MGRN1: variants seen among roughly 807,000 people sequenced by gnomAD.
The protein encoded by MGRN1 is mahogunin ring finger 1.
MGRN1 carries 29 observed loss-of-function variants against 69.2 expected under a neutral mutation model. The observed-to-expected ratio is 0.42, with a 90% CI of 0.31 to 0.57. The LOEUF is 0.57. Ranked by LOEUF, MGRN1 falls within the 20% of genes least tolerant of loss-of-function variation. The probability of loss-of-function intolerance (pLI) is 0.15; values close to 1 mark genes in which losing one functional copy is unlikely to be tolerated. For missense variants in MGRN1, 998 were observed against 796.2 expected, an observed-to-expected ratio of 1.25 and a Z score of -3.05; for synonymous variants, 470 against 344.2, an observed-to-expected ratio of 1.37 and a Z score of -4.04.
chr16:4,652,860 G>A (rs769356476), intron 4 of MGRN1, 36 bp downstream of exon 4: 2 of 1,562,382 alleles, frequency 1.3e-6, no homozygotes, highest in Non-Finnish European at 1.7e-6. Flanking sequence ...GGCCTGGCTG[G>A]GGGCCCCAGA....
chr16:4,656,178 G>A (rs1371593008), intron 4 of MGRN1, among the ~76,000 whole-genome samples: 1 of 152,240 alleles, frequency 6.6e-6, no homozygotes, highest in African/African-American at 2.4e-5. Flanking sequence ...TATCAGAAAT[G>A]AAACTGCTTG....
chr16:4,647,016 C>T (rs1410013545), intron 1 of MGRN1, among the ~76,000 whole-genome samples: 1 of 152,188 alleles, frequency 6.6e-6, no homozygotes, highest in African/African-American at 2.4e-5. Context: ...CTGGGGAGAG[C>T]CTGGAAGGGT....
rs114044807 is a variant in MGRN1 at position 4,630,570 on chromosome 16, A to G, written c.88+5522A>G. Among the ~76,000 whole-genome samples the G allele has an allele frequency of 8.5e-3, 1,282 of 151,148 alleles. 18 individuals are homozygous for G. The highest frequency in any genetic ancestry group is 0.03 in the African/African-American group (1,221 of 41,258). ...TCCAGCGATTCTTCTACCTCAGCCT[A>G]CTGAGTAGCTGAGATTACAGGTGCG... On this transcript the variant is annotated intron_variant, in intron 1 of 16. Transcript: ENST00000262370.
chr16:4,686,385 G>C, intron 16 of MGRN1: 2 of 1,502,456 alleles, frequency 1.3e-6, no homozygotes, highest in Non-Finnish European at 1.8e-6. Context: ...TCTGGCGGGG[G>C]TTCCTTCTGG....
intron 16 of MGRN1, among the ~76,000 whole-genome samples, chr16:4,684,260 C>G (rs971992526): frequency 6.6e-6 from 1 of 152,244 alleles, no homozygotes; most frequent in Non-Finnish European, 1.5e-5. Flanking sequence ...TTCCCTCTGC[C>G]TGCTGCTCAC....
At chr16:4,664,272 G>C (rs2078749972) in intron 5 of MGRN1, 1 of 247,688 alleles carries the variant, frequency 4.0e-6, no homozygotes, top group South Asian at 5.1e-5. Flanking sequence ...AAGGTCACCT[G>C]TTGTGCAATT....
intron 1 of MGRN1, among the ~76,000 whole-genome samples, chr16:4,639,219 G>A (rs1208832441): frequency 5.9e-5 from 9 of 152,114 alleles, no homozygotes; most frequent in Non-Finnish European, 1.2e-4. Flanking sequence ...GGGCTGGGGA[G>A]GACAGAGGGA....
chr16:4,642,501 T>TGTGTGTGTGTGTGTGTG (rs1377829789), intron 1 of MGRN1, among the ~76,000 whole-genome samples: 3 of 151,080 alleles, frequency 2.0e-5, no homozygotes, highest in African/African-American at 7.3e-5. Context: ...TGTGTGTGTG[T>TGTGTGTGTGTGTGTGTG]TTTTAGTAGA....
chr16:4,658,302 G>A (rs1008127710), intron 5 of MGRN1, among the ~76,000 whole-genome samples: 50 of 151,718 alleles, frequency 3.3e-4, no homozygotes, highest in African/African-American at 1.1e-3. Flanking sequence ...TTGGGAGGCC[G>A]AGGCAGGCGG....
intron 1 of MGRN1, among the ~76,000 whole-genome samples, chr16:4,630,479 C>T (rs1897944219): frequency 6.6e-6 from 1 of 151,634 alleles, no homozygotes; most frequent in Non-Finnish European, 1.5e-5. Context: ...GAGATGGAGT[C>T]TCCCTCTGTC....
chr16:4,652,687 CGATGCCGACAGCCCCACCGAG>C lies in MGRN1; in HGVS notation c.309_329del (p.Ala104_Asp110del), dbSNP rs770568273. 5.6e-6 allele frequency: 9 copies of C among 1,612,378 alleles called. No homozygotes were observed. The highest frequency in any genetic ancestry group is 3.3e-5 in the Admixed American group (2 of 59,798). Reference sequence around the variant, plus strand: ...CCACCGCCTGGGGTAGGTACAAAGACGATGCCGACAGCCCCACCGAGGACGGCGACAAGCCCCGGGTGCTCT... The same window carrying C: ...CCACCGCCTGGGGTAGGTACAAAGACGACGGCGACAAGCCCCGGGTGCTCT... On this transcript the variant is annotated inframe_deletion, in exon 4 of 17. Transcript: ENST00000262370.
intron 1 of MGRN1, among the ~76,000 whole-genome samples, chr16:4,627,799 G>A (rs550749234): frequency 7.1e-6 from 1 of 140,358 alleles, no homozygotes; most frequent in Admixed American, 7.2e-5. Flanking sequence ...CAAAAAAAAA[G>A]GCTGGGCGCG....
intron 11 of MGRN1, among the ~76,000 whole-genome samples, chr16:4,677,819 C>G (rs1346002676): frequency 1.4e-5 from 2 of 140,014 alleles, no homozygotes. Context: ...CGGTCGAGGT[C>G]TCGGTGGAGC....
At position 4,663,435 on chromosome 16, in the gene MGRN1, G is replaced by A. The variant is rs370027870; in HGVS notation, c.562-1274G>A. 1.1e-4 allele frequency among the ~76,000 whole-genome samples: 15 copies of A among 135,552 alleles called. No homozygotes were observed. In the East Asian group the frequency reaches 2.1e-3, roughly 19 times the overall value. 88.9% of individuals were successfully genotyped at this position (135,552 alleles called of 152,430 possible). A position where few individuals can be genotyped will look rare whatever the true frequency, so the allele number is the denominator to read the frequency against. On this transcript the variant is annotated intron_variant, in intron 5 of 16. Coordinates refer to ENST00000262370, the MANE Select transcript of MGRN1 (RefSeq NM_015246.4). ...AATTACCATCTCCTGCAGCTCACTC[G>A]TGTTAAGCGAATGATTCGCTGGCTT...
At chr16:4,668,124 C>A in intron 7 of MGRN1, 141 bp from the exon 8 acceptor site, 1 of 521,376 alleles carries the variant, frequency 1.9e-6, no homozygotes, top group Non-Finnish European at 3.3e-6. Flanking sequence ...TGGCCCCACC[C>A]TTTTTTTTTT....
chr16:4,646,333 G>A (rs2078274155), intron 1 of MGRN1, among the ~76,000 whole-genome samples: 1 of 152,144 alleles, frequency 6.6e-6, no homozygotes, highest in South Asian at 2.1e-4. Context: ...GGAGGCTGAG[G>A]CAGGAGGATT....
chr16:4,668,352 GAC>G (rs2078852284), intron 8 of MGRN1, 40 bp downstream of exon 8: 14 of 1,604,898 alleles, frequency 8.7e-6, no homozygotes, highest in Middle Eastern at 1.7e-4. Context: ...TGAATTAAAA[GAC>G]ACACATATAC....
At chr16:4,681,433 AG>A in intron 12 of MGRN1, 116 bp from the exon 13 acceptor site, 1 of 969,512 alleles carries the variant, frequency 1.0e-6, no homozygotes, top group Non-Finnish European at 1.5e-6. Context: ...CCACCCTCTG[AG>A]GGTGGGGGAG....
chr16:4,682,787 C>A, intron 13 of MGRN1, 36 bp from the exon 14 acceptor site: 1 of 1,497,564 alleles, frequency 6.7e-7, no homozygotes, highest in Non-Finnish European at 9.0e-7. Flanking sequence ...TTGTCGTTAT[C>A]CTCTCACCCC....
Sources: allele counts gnomAD v4.1 joint callset (sites outside exome capture counted in the v4.1 genomes callset), GRCh38; gene constraint gnomAD v4.1.1; transcripts MANE v1.5; gene names NCBI Gene and HGNC (gene_info 2026-07-23, HGNC 2026-07-21).